The following ME1 variants were observed in gnomAD, a reference collection of about 807,000 sequenced individuals.
ME1 encodes malic enzyme 1.
Under a neutral mutation model 66.4 loss-of-function variants are expected in ME1, and 74 were observed. That is an observed-to-expected ratio of 1.11 (90% CI 0.92 to 1.35). The LOEUF (loss-of-function observed/expected upper bound fraction) is 1.35, where lower values mean the gene tolerates loss of function less well. Among genes scored for constraint, ME1 ranks in the 40% most tolerant of loss-of-function variants. The pLI is 0.00. For synonymous variants in ME1, 251 were observed against 235.6 expected (o/e 1.07, Z -0.60); for missense variants, 750 against 694.1 (o/e 1.08, Z -0.90).
At chr6:83,399,724 A>G (rs571207999) in intron 2 of ME1, among the ~76,000 whole-genome samples, 187 of 152,350 alleles carry the variant, frequency 1.2e-3, no homozygotes, top group African/African-American at 4.4e-3. Context: ...TAAACTGCTC[A>G]GTTCAACTTA....
In ME1 at chr6:83,417,144, G is replaced by A. The variant is rs545260088; in HGVS notation, c.79-9243C>T. Among the ~76,000 whole-genome samples the A allele has an allele frequency of 2.7e-4, 41 of 152,130 alleles. No homozygotes were observed. In the South Asian group the frequency reaches 7.9e-3, roughly 29 times the overall value. On this transcript the variant is annotated intron_variant, in intron 1 of 13. Coordinates refer to ENST00000369705, the MANE Select transcript of ME1 (RefSeq NM_002395.6). ...AGCTCACTGCAGCCTCGAATTCCTG[G>A]GCTCAAGCAATCCTCTTGCCTTAGC...
At chr6:83,350,758 G>T (rs3778205) in intron 4 of ME1, among the ~76,000 whole-genome samples, 48,609 of 151,828 alleles carry the variant, frequency 0.32, 8,148 homozygotes, top group Middle Eastern at 0.5. Context: ...AAAGTGTTGG[G>T]ATCACAGGCC....
chr6:83,238,432 C>T (rs973800751), intron 8 of ME1, among the ~76,000 whole-genome samples: 1 of 152,050 alleles, frequency 6.6e-6, no homozygotes, highest in African/African-American at 2.4e-5. Flanking sequence ...ATCATCCAAC[C>T]ATGAATTCTT....
At chr6:83,283,187 C>T (rs1246180058) in intron 6 of ME1, among the ~76,000 whole-genome samples, 1 of 128,582 alleles carries the variant, frequency 7.8e-6, no homozygotes, top group Non-Finnish European at 1.6e-5. Context: ...GAGATCGCGC[C>T]ACTGCACTCC....
At position 83,274,609 on chromosome 6, in the gene ME1, T is replaced by G. The variant is rs143638990; in HGVS notation, c.705-20871A>C. 6.6e-3 allele frequency among the ~76,000 whole-genome samples: 1,001 copies of G among 152,356 alleles called. 10 individuals are homozygous for G. The highest frequency in any genetic ancestry group is 0.023 in the African/African-American group (949 of 41,588). On this transcript the variant is annotated intron_variant, in intron 6 of 13. Transcript: ENST00000369705. ...TTTAATTCCAGGATAGAAGGCCATT[T>G]AAACTACCACTAAGCATCAACATAA...
chr6:83,305,635 G>GTGCTCTCT (rs1767810108), intron 6 of ME1, among the ~76,000 whole-genome samples: 1 of 152,124 alleles, frequency 6.6e-6, no homozygotes, highest in Non-Finnish European at 1.5e-5. Context: ...GCACATCATA[G>GTGCTCTCT]AGGTCAGGAA....
At chr6:83,241,707 G>A (rs1243431605) in intron 7 of ME1, among the ~76,000 whole-genome samples, 1 of 152,022 alleles carries the variant, frequency 6.6e-6, no homozygotes, top group African/African-American at 2.4e-5. Flanking sequence ...GCAGAGAAGG[G>A]AATACATGTA....
At chr6:83,328,328 C>G (rs1664515856) in intron 5 of ME1, among the ~76,000 whole-genome samples, 1 of 151,770 alleles carries the variant, frequency 6.6e-6, no homozygotes, top group African/African-American at 2.4e-5. Context: ...GGGTGGAAGG[C>G]AAGGGGAGGG....
At chr6:83,346,060 GAGAA>G (rs1768678244) in intron 5 of ME1, 109 bp downstream of exon 5, 2 of 839,792 alleles carry the variant, frequency 2.4e-6, no homozygotes, top group African/African-American at 3.5e-5. Context: ...GAGAGAGAAA[GAGAA>G]CCAGACAAAA....
At chr6:83,234,966 G>A (rs1248494030) in intron 9 of ME1, among the ~76,000 whole-genome samples, 1 of 152,124 alleles carries the variant, frequency 6.6e-6, no homozygotes, top group African/African-American at 2.4e-5. Context: ...ACTACACACT[G>A]TATAGAACTT....
intron 6 of ME1, among the ~76,000 whole-genome samples, chr6:83,268,506 A>C (rs1144195): frequency 0.48 from 72,452 of 151,698 alleles, 18,926 homozygotes; most frequent in African/African-American, 0.7. Context: ...TTGTGGCCCA[A>C]CTCAGTCAAT....
At chr6:83,350,770 G>A (rs977202665) in intron 4 of ME1, among the ~76,000 whole-genome samples, 2 of 152,052 alleles carry the variant, frequency 1.3e-5, no homozygotes, top group Non-Finnish European at 2.9e-5. Flanking sequence ...TCACAGGCCT[G>A]AGCCACCACT....
At chr6:83,327,823 T>G (rs1009745256) in intron 5 of ME1, among the ~76,000 whole-genome samples, 15 of 152,140 alleles carry the variant, frequency 9.9e-5, no homozygotes, top group African/African-American at 3.4e-4. Flanking sequence ...TTGTGGCTTT[T>G]GGGGCATCAC....
intron 3 of ME1, among the ~76,000 whole-genome samples, chr6:83,391,991 T>C (rs962887913): frequency 6.6e-6 from 1 of 152,236 alleles, no homozygotes; most frequent in Non-Finnish European, 1.5e-5. Flanking sequence ...TTCTAGACAA[T>C]TTATTTATTT....
intron 7 of ME1, among the ~76,000 whole-genome samples, chr6:83,246,066 G>A: frequency 6.6e-6 from 1 of 151,986 alleles, no homozygotes; most frequent in Non-Finnish European, 1.5e-5. Context: ...CTAGTATTTT[G>A]TCAAATAAGT....
At chr6:83,381,891 A>C (rs1451031822) in intron 3 of ME1, among the ~76,000 whole-genome samples, 1 of 151,972 alleles carries the variant, frequency 6.6e-6, no homozygotes, top group African/African-American at 2.4e-5. Flanking sequence ...TTTTAAATGG[A>C]TTAAGCTTTA....
intron 5 of ME1, among the ~76,000 whole-genome samples, chr6:83,322,549 G>A (rs1388429756): frequency 6.6e-6 from 1 of 151,974 alleles, no homozygotes; most frequent in Non-Finnish European, 1.5e-5. Flanking sequence ...TAGAAGAGAG[G>A]ATATCTGAGA....
intron 7 of ME1, among the ~76,000 whole-genome samples, chr6:83,240,665 C>T (rs951694363): frequency 6.6e-6 from 1 of 152,050 alleles, no homozygotes; most frequent in African/African-American, 2.4e-5. Flanking sequence ...GTAGTAAAGC[C>T]TAGCTAAACG....
intron 9 of ME1, among the ~76,000 whole-genome samples, chr6:83,229,583 C>T (rs1371056542): frequency 3.3e-5 from 5 of 152,074 alleles, no homozygotes; most frequent in African/African-American, 4.8e-5. Context: ...ATTTGATCCC[C>T]TCAACAATTC....
Sources: allele counts gnomAD v4.1 joint callset (sites outside exome capture counted in the v4.1 genomes callset), GRCh38; gene constraint gnomAD v4.1.1; transcripts MANE v1.5; gene names NCBI Gene and HGNC (gene_info 2026-07-23, HGNC 2026-07-21).